SYT16: variants seen among roughly 807,000 people sequenced by gnomAD.
SYT16 encodes synaptotagmin-16.
SYT16 carries 42 observed loss-of-function variants against 61.4 expected under a neutral mutation model. That is an observed-to-expected ratio of 0.68 (90% CI 0.53 to 0.89). SYT16 has a LOEUF of 0.89. Among genes scored for constraint, SYT16 ranks in the 40% least tolerant of loss-of-function variants. SYT16 has a pLI of 0.00. For synonymous variants in SYT16, 314 were observed against 302.3 expected, an observed-to-expected ratio of 1.04 and a Z score of -0.40; for missense variants, 804 against 807.3, an observed-to-expected ratio of 1.00 and a Z score of 0.05.
Position 62,110,470 on chromosome 14 carries a change from A to T in SYT16, c.*9763A>T, listed in dbSNP as rs1414955598. ...AAGACTTGCAATGTTTTTGAAGACT[A>T]CAGGATAGTTTGTGATTTTTATATT... On this transcript the variant is annotated 3_prime_UTR_variant, in exon 8 of 8. Coordinates refer to ENST00000683842, the MANE Select transcript of SYT16 (RefSeq NM_001367656.1). The T allele has an allele frequency of 6.6e-6, 1 of 152,138 alleles. No homozygotes were observed. Among genetic ancestry groups the T allele is most frequent in the Non-Finnish European group, 1.5e-5 (1 of 67,980 alleles). 9.4% of individuals were successfully genotyped at this position (152,138 alleles called of 1,614,324 possible). A position where few individuals can be genotyped will look rare whatever the true frequency, so the allele number is the denominator to read the frequency against.
chr14:61,891,622 A>G (rs2048133848), intron 1 of SYT16, among the ~76,000 whole-genome samples: 1 of 152,218 alleles, frequency 6.6e-6, no homozygotes, highest in African/African-American at 2.4e-5. Flanking sequence ...GGCAGTTTGC[A>G]TCAGGAAAAG....
At chr14:61,946,063 A>G (rs898199109) in intron 1 of SYT16, among the ~76,000 whole-genome samples, 2 of 151,940 alleles carry the variant, frequency 1.3e-5, no homozygotes, top group African/African-American at 4.8e-5. Flanking sequence ...CTGTCAGGGG[A>G]TGAGGGGCTG....
intron 1 of SYT16, chr14:61,864,846 G>A (rs958090450): frequency 9.3e-7 from 1 of 1,070,708 alleles, no homozygotes; most frequent in African/African-American, 1.6e-5. Context: ...CCTTGCTATC[G>A]CTGCATATTC....
intron 3 of SYT16, among the ~76,000 whole-genome samples, chr14:62,013,494 A>G (rs1012769811): frequency 6.6e-6 from 1 of 152,058 alleles, no homozygotes; most frequent in African/African-American, 2.4e-5. Flanking sequence ...TGCAGTCTCC[A>G]TTTCCTCCTG....
intron 1 of SYT16, among the ~76,000 whole-genome samples, chr14:61,857,027 G>T (rs2046796763): frequency 6.6e-6 from 1 of 152,204 alleles, no homozygotes; most frequent in Non-Finnish European, 1.5e-5. Flanking sequence ...GGCAGAGATG[G>T]TGGACAAGGT....
At chr14:61,931,197 G>C (rs1484405558) in intron 1 of SYT16, among the ~76,000 whole-genome samples, 2 of 152,060 alleles carry the variant, frequency 1.3e-5, no homozygotes, top group Non-Finnish European at 2.9e-5. Context: ...TTGTAAATAG[G>C]AGGAAATTAG....
chr14:61,862,679 C>T (rs985540146), intron 1 of SYT16, among the ~76,000 whole-genome samples: 1 of 152,196 alleles, frequency 6.6e-6, no homozygotes, highest in Non-Finnish European at 1.5e-5. Flanking sequence ...TGTACATTCT[C>T]TGAGTTTGGA....
chr14:61,894,153 C>T (rs926288764), intron 1 of SYT16, among the ~76,000 whole-genome samples: 3 of 152,054 alleles, frequency 2.0e-5, no homozygotes, highest in Admixed American at 6.5e-5. Context: ...GGCATTGTGG[C>T]AGGTGCCTGT....
At chr14:62,090,531 G>A (rs2057037128) in intron 7 of SYT16, among the ~76,000 whole-genome samples, 1 of 152,088 alleles carries the variant, frequency 6.6e-6, no homozygotes, top group Admixed American at 6.6e-5. Context: ...TAGAATCCTG[G>A]TCCAGTTTTT....
chr14:61,960,655 G>A (rs375470950), intron 1 of SYT16, among the ~76,000 whole-genome samples: 9 of 152,254 alleles, frequency 5.9e-5, no homozygotes, highest in African/African-American at 1.9e-4. Flanking sequence ...AACATGGATA[G>A]TTTGACTTCC....
rs184655074 is a variant in SYT16, at chr14:61,940,528, T to C, written c.-324-29604T>C. The stretch of plus-strand genomic sequence containing the variant: ...GCTCTGACACAGCATTCTGCAACTT[T>C]GGATAAGTCATTCTCTAAGCCTCAG... On this transcript the variant is annotated intron_variant, in intron 1 of 7. Transcript: ENST00000683842. Among the ~76,000 whole-genome samples the C allele has an allele frequency of 1.1e-3, 166 of 152,332 alleles. 1 individual carries two copies. Among genetic ancestry groups the C allele is most frequent in the African/African-American group, 3.7e-3 (152 of 41,574 alleles).
At chr14:62,087,697 G>A (rs903692908) in intron 7 of SYT16, among the ~76,000 whole-genome samples, 8 of 152,156 alleles carry the variant, frequency 5.3e-5, no homozygotes, top group Non-Finnish European at 7.4e-5. Flanking sequence ...AACCTGACCC[G>A]GTTAGATAAT....
chr14:61,963,925 A>C (rs900650912), intron 1 of SYT16, among the ~76,000 whole-genome samples: 21 of 152,186 alleles, frequency 1.4e-4, no homozygotes, highest in African/African-American at 5.1e-4. Flanking sequence ...AAATGGAACA[A>C]CAAAGCCTGG....
chr14:62,074,749 A>G (rs2056422712), intron 4 of SYT16, among the ~76,000 whole-genome samples: 1 of 152,150 alleles, frequency 6.6e-6, no homozygotes, highest in African/African-American at 2.4e-5. Flanking sequence ...CTGAAGAGGA[A>G]AGGAAGCATG....
At position 61,896,718 on chromosome 14, in the gene SYT16, G is replaced by A. The variant is rs561914170; in HGVS notation, c.-324-73414G>A. The stretch of plus-strand genomic sequence containing the variant: ...GGGACCTTGTCACACTTTAAAAAAT[G>A]AATATATAATAGTGTTTTCACTTAT... On this transcript the variant is annotated intron_variant, in intron 1 of 7. Coordinates refer to ENST00000683842, the MANE Select transcript of SYT16 (RefSeq NM_001367656.1). Among the ~76,000 whole-genome samples, 15 of 152,278 alleles carry A rather than the reference G, an allele frequency of 9.9e-5. 1 individual carries two copies. The highest frequency in any genetic ancestry group is 3.1e-4 in the African/African-American group (13 of 41,550).
chr14:61,825,595 A>G lies in SYT16; in HGVS notation c.-325+12785A>G, dbSNP rs142738782. ...CTACTTGGGAGGCTGAGGTAGGAGG[A>G]TGGCTTGAGCCCAGGGACACTGAGG... On this transcript the variant is annotated intron_variant, in intron 1 of 7. Transcript: ENST00000683842. Among the ~76,000 whole-genome samples the G allele has an allele frequency of 8.8e-3, 1,337 of 152,232 alleles. 10 individuals are homozygous for G. Among genetic ancestry groups the G allele is most frequent in the Non-Finnish European group, 0.013 (907 of 68,010 alleles).
At chr14:62,071,108 A>T (rs112919019) in intron 4 of SYT16, among the ~76,000 whole-genome samples, 4 of 152,302 alleles carry the variant, frequency 2.6e-5, no homozygotes, top group African/African-American at 9.6e-5. Flanking sequence ...ATTAATAAGT[A>T]AAGGCCCTAT....
intron 1 of SYT16, among the ~76,000 whole-genome samples, chr14:61,916,823 A>G (rs944539244): frequency 6.6e-6 from 1 of 152,110 alleles, no homozygotes; most frequent in Non-Finnish European, 1.5e-5. Flanking sequence ...GCTCCCACAT[A>G]TAAGTAAGAA....
intron 1 of SYT16, among the ~76,000 whole-genome samples, chr14:61,919,409 A>G (rs771920724): frequency 7.9e-5 from 12 of 152,220 alleles, no homozygotes; most frequent in Admixed American, 2.0e-4. Context: ...TTGTGGTTCA[A>G]AAGTTCGAGA....
Sources: allele counts gnomAD v4.1 joint callset (sites outside exome capture counted in the v4.1 genomes callset), GRCh38; gene constraint gnomAD v4.1.1; transcripts MANE v1.5; gene names NCBI Gene and HGNC (gene_info 2026-07-23, HGNC 2026-07-21).